Variants in KCNH8 observed in about 807,000 individuals in gnomAD.
KCNH8 encodes the protein voltage-gated delayed rectifier potassium channel KCNH8.
A neutral mutation model predicts 103.6 loss-of-function variants in KCNH8; 70 were observed. The observed-to-expected ratio is 0.68, with a 90% CI of 0.56 to 0.82. The LOEUF is 0.82. KCNH8 is among the 40% of genes least tolerant of loss of function. The pLI, the probability that KCNH8 is intolerant of heterozygous loss-of-function variation, is 0.00. For missense variants in KCNH8, 1,217 were observed against 1,329.9 expected, an observed-to-expected ratio of 0.92 and a Z score of 1.32; for synonymous variants, 498 against 489.4, an observed-to-expected ratio of 1.02 and a Z score of -0.23.
At chr3:19,437,631 A>G (rs953796535) in intron 7 of KCNH8, among the ~76,000 whole-genome samples, 2 of 152,326 alleles carry the variant, frequency 1.3e-5, no homozygotes, top group Admixed American at 6.5e-5. Context: ...GAGATTTGTA[A>G]AACAACTGGA....
At chr3:19,186,319 C>T (rs532401798) in intron 1 of KCNH8, among the ~76,000 whole-genome samples, 3 of 150,014 alleles carry the variant, frequency 2.0e-5, no homozygotes, top group South Asian at 2.1e-4. Flanking sequence ...AAAATTGCAA[C>T]GCACCATTAC....
chr3:19,451,262 G>A lies in KCNH8; in HGVS notation c.1683G>A (p.Arg561=), dbSNP rs560940796. 4 of 1,613,924 alleles carry A rather than the reference G, an allele frequency of 2.5e-6. No homozygotes were observed. The African/African-American group carries it at 4.0e-5, about 16-fold the overall frequency. ...AATGTGCCAGCCGGGGCTGCCTCAG[G>A]TCTCTGTCTCTACACATCAAAACCT... ...LFECASRGCL[R]SLSLHIKTSF... is the part of the protein sequence containing the mutation. The change falls in exon 10 of 16, where the codon AGG becomes AGA. Residue 561 remains arginine (R), a synonymous_variant. Transcript: ENST00000328405.
intron 1 of KCNH8, among the ~76,000 whole-genome samples, chr3:19,245,994 C>T (rs1293584064): frequency 2.0e-5 from 3 of 152,008 alleles, no homozygotes; most frequent in Non-Finnish European, 2.9e-5. Context: ...ATAAACCTGA[C>T]AAGAATTAGT....
intron 1 of KCNH8, among the ~76,000 whole-genome samples, chr3:19,190,194 C>G (rs1179969662): frequency 2.6e-5 from 4 of 151,840 alleles, no homozygotes; most frequent in African/African-American, 9.7e-5. Flanking sequence ...ACTATGGAAA[C>G]TAATAAATGA....
chr3:19,161,946 C>T (rs1323909320), intron 1 of KCNH8, among the ~76,000 whole-genome samples: 2 of 151,926 alleles, frequency 1.3e-5, no homozygotes, highest in South Asian at 4.2e-4. Flanking sequence ...TGGCATGATA[C>T]TACGTGGTTT....
intron 11 of KCNH8, among the ~76,000 whole-genome samples, chr3:19,467,475 G>A (rs1440007144): frequency 1.3e-5 from 2 of 152,184 alleles, no homozygotes; most frequent in East Asian, 3.9e-4. Context: ...ATGCAACTTG[G>A]GTACAGTTAT....
chr3:19,171,393 A>G (rs1016938788), intron 1 of KCNH8, among the ~76,000 whole-genome samples: 3 of 152,142 alleles, frequency 2.0e-5, no homozygotes, highest in Non-Finnish European at 2.9e-5. Flanking sequence ...TTATCTCTCT[A>G]TATCTATTTA....
At chr3:19,480,089 C>T (rs1349126656) in intron 11 of KCNH8, among the ~76,000 whole-genome samples, 2 of 152,178 alleles carry the variant, frequency 1.3e-5, no homozygotes, top group African/African-American at 4.8e-5. Context: ...GACTCAAACA[C>T]GGGCTTGTAA....
At position 19,162,485 on chromosome 3, in the gene KCNH8, C is replaced by T. The variant is rs377032108; in HGVS notation, c.76+13690C>T. ...TCACGCCACTGCACTCCAGCCTGGA[C>T]GACAGAGTGAGGCTCCTTCTCAAAC... On this transcript the variant is annotated intron_variant, in intron 1 of 15. Coordinates refer to ENST00000328405, the MANE Select transcript of KCNH8 (RefSeq NM_144633.3). Among the ~76,000 whole-genome samples, 44 of 150,958 alleles carry T rather than the reference C, an allele frequency of 2.9e-4. No homozygotes were observed. In the East Asian group the frequency reaches 5.4e-3, roughly 19 times the overall value.
At chr3:19,434,877 G>A (rs1207690262) in intron 7 of KCNH8, among the ~76,000 whole-genome samples, 1 of 152,048 alleles carries the variant, frequency 6.6e-6, no homozygotes, top group Non-Finnish European at 1.5e-5. Flanking sequence ...AGTGGGAAGT[G>A]CAAACCTATT....
intron 3 of KCNH8, among the ~76,000 whole-genome samples, chr3:19,295,390 A>G (rs1365199104): frequency 8.0e-6 from 1 of 125,480 alleles, no homozygotes; most frequent in Non-Finnish European, 1.6e-5. Flanking sequence ...TCTCAAATAA[A>G]TAAATAAATA....
chr3:19,295,762 A>G (rs1244996876), intron 3 of KCNH8, among the ~76,000 whole-genome samples: 2 of 151,868 alleles, frequency 1.3e-5, no homozygotes, highest in Non-Finnish European at 2.9e-5. Context: ...TTTTTGCCTG[A>G]GTTTTTATAT....
intron 3 of KCNH8, among the ~76,000 whole-genome samples, chr3:19,310,288 T>C (rs2065191463): frequency 6.6e-6 from 1 of 151,960 alleles, no homozygotes; most frequent in South Asian, 2.1e-4. Context: ...AACTTTTTCA[T>C]TGTATTCATT....
chr3:19,435,083 T>C (rs1408618113), intron 7 of KCNH8, among the ~76,000 whole-genome samples: 1 of 152,168 alleles, frequency 6.6e-6, no homozygotes, highest in African/African-American at 2.4e-5. Flanking sequence ...TTCATGGATA[T>C]GTTACTGGGC....
At chr3:19,352,779 C>T (rs554604969) in intron 5 of KCNH8, among the ~76,000 whole-genome samples, 1 of 152,222 alleles carries the variant, frequency 6.6e-6, no homozygotes, top group East Asian at 1.9e-4. Context: ...CAAGAGAAAG[C>T]AGGAAAGATC....
intron 3 of KCNH8, among the ~76,000 whole-genome samples, chr3:19,303,770 A>C (rs2065094196): frequency 6.6e-6 from 1 of 152,146 alleles, no homozygotes; most frequent in Non-Finnish European, 1.5e-5. Flanking sequence ...AGATGAGTGA[A>C]GGACCTGGAA....
intron 3 of KCNH8, among the ~76,000 whole-genome samples, chr3:19,286,519 T>C (rs1250983283): frequency 2.0e-5 from 3 of 152,178 alleles, no homozygotes; most frequent in Non-Finnish European, 4.4e-5. Context: ...AGAAAATAAA[T>C]TTCTGTTGTT....
intron 3 of KCNH8, among the ~76,000 whole-genome samples, chr3:19,288,880 C>T (rs1298744261): frequency 6.6e-6 from 1 of 152,200 alleles, no homozygotes; most frequent in Admixed American, 6.5e-5. Context: ...TCCACACCCT[C>T]TCCAGCACCT....
Position 19,453,038 on chromosome 3 carries a change from T to C in KCNH8, c.1825+1634T>C, listed in dbSNP as rs916708310. Among the ~76,000 whole-genome samples, 6 of 152,288 alleles carry C rather than the reference T, an allele frequency of 3.9e-5. 1 individual carries two copies. The South Asian group carries it at 1.2e-3, about 32-fold the overall frequency. On this transcript the variant is annotated intron_variant, in intron 10 of 15. Transcript: ENST00000328405. ...TCAGCCATAAAGAAGAATGAAATCA[T>C]ATATTTTGCAGCAATATGGATTGAA...
Sources: gnomAD v4.1 joint callset for allele counts (sites outside exome capture counted in the v4.1 genomes callset) on GRCh38, gnomAD v4.1.1 for gene constraint, MANE v1.5 for transcripts, NCBI Gene and HGNC (gene_info 2026-07-23, HGNC 2026-07-21) for gene names.